The following TBC1D4 variants were observed in gnomAD, a reference collection of about 807,000 sequenced individuals.
TBC1D4 encodes TBC (Tre-2, BUB2, CDC16) domain-containing protein.
Under a neutral mutation model 142.5 loss-of-function variants are expected in TBC1D4, and 121 were observed. The ratio of observed to expected loss-of-function variants is 0.85; its 90% CI spans 0.73 to 0.99. The LOEUF (loss-of-function observed/expected upper bound fraction) is 0.99. Among genes scored for constraint, TBC1D4 ranks in the 50% least tolerant of loss-of-function variants. The probability of loss-of-function intolerance (pLI) is 0.00; values close to 1 mark genes in which losing one functional copy is unlikely to be tolerated. For missense variants in TBC1D4, 1,475 were observed against 1,606.6 expected, an observed-to-expected ratio of 0.92 and a Z score of 1.40; for synonymous variants, 630 against 628.2, an observed-to-expected ratio of 1.00 and a Z score of -0.04.
chr13:75,443,542 C>T (rs1887141828), intron 1 of TBC1D4, among the ~76,000 whole-genome samples: 1 of 152,186 alleles, frequency 6.6e-6, no homozygotes, highest in South Asian at 2.1e-4. Flanking sequence ...TTCCAGGCAC[C>T]CTTCTAACGC....
chr13:75,411,001 T>A (rs1332084002), intron 1 of TBC1D4, among the ~76,000 whole-genome samples: 18 of 131,650 alleles, frequency 1.4e-4, no homozygotes, highest in Admixed American at 1.5e-4. Flanking sequence ...TTAACTAATA[T>A]AAAATGTAAG....
intron 1 of TBC1D4, among the ~76,000 whole-genome samples, chr13:75,396,617 T>TATCAA: frequency 6.6e-6 from 1 of 152,176 alleles, no homozygotes; most frequent in African/African-American, 2.4e-5. Flanking sequence ...TTATCAATTT[T>TATCAA]TAAAACCCAA....
At chr13:75,340,822 T>C (rs941443289) in intron 7 of TBC1D4, among the ~76,000 whole-genome samples, 1 of 152,148 alleles carries the variant, frequency 6.6e-6, no homozygotes, top group Admixed American at 6.5e-5. Context: ...GGTGCATGCC[T>C]GTAGTCCCAG....
chr13:75,354,787 G>T (rs1016289733), intron 4 of TBC1D4, among the ~76,000 whole-genome samples: 1 of 152,080 alleles, frequency 6.6e-6, no homozygotes, highest in Non-Finnish European at 1.5e-5. Context: ...TTAGGTCATC[G>T]GTTTTCTTTG....
At chr13:75,339,986 C>T (rs935953273) in intron 7 of TBC1D4, among the ~76,000 whole-genome samples, 1 of 152,226 alleles carries the variant, frequency 6.6e-6, no homozygotes, top group South Asian at 2.1e-4. Flanking sequence ...TCTACTCCAG[C>T]TCCAAAGCAA....
intron 5 of TBC1D4, among the ~76,000 whole-genome samples, chr13:75,343,247 T>C (rs1052618250): frequency 2.6e-5 from 4 of 152,188 alleles, no homozygotes; most frequent in Non-Finnish European, 2.9e-5. Flanking sequence ...CACCTGAAAA[T>C]ACACATTGTT....
intron 1 of TBC1D4, among the ~76,000 whole-genome samples, chr13:75,373,969 T>C (rs1883358475): frequency 6.6e-6 from 1 of 152,142 alleles, no homozygotes; most frequent in Admixed American, 6.5e-5. Flanking sequence ...CAGAAAAGAA[T>C]AAAAAGCTTG....
chr13:75,380,537 ATT>A (rs11366604), intron 1 of TBC1D4, among the ~76,000 whole-genome samples: 95 of 148,488 alleles, frequency 6.4e-4, no homozygotes, highest in African/African-American at 1.2e-3. Flanking sequence ...ACTAGATAAG[ATT>A]TTTTTTTTTT....
intron 1 of TBC1D4, among the ~76,000 whole-genome samples, chr13:75,364,641 C>T (rs1051292883): frequency 6.6e-6 from 1 of 152,264 alleles, no homozygotes; most frequent in Non-Finnish European, 1.5e-5. Context: ...CTAGCTGACA[C>T]TCAACCGTGC....
chr13:75,354,232 C>A (rs1328006202), intron 4 of TBC1D4, among the ~76,000 whole-genome samples: 1 of 152,144 alleles, frequency 6.6e-6, no homozygotes, highest in Non-Finnish European at 1.5e-5. Context: ...GTGTGCTACA[C>A]AATATAGATT....
chr13:75,359,328 T>C (rs1201617874), intron 3 of TBC1D4, among the ~76,000 whole-genome samples: 3 of 152,232 alleles, frequency 2.0e-5, no homozygotes, highest in Non-Finnish European at 2.9e-5. Flanking sequence ...TTTTCAAAGT[T>C]TAGTATTTAC....
rs539561868 is a variant in TBC1D4, at chr13:75,342,338, A to G, written c.1409-751T>C. ...AACCTAAGACCTCACATGGAAATAA[A>G]AGCTAAAGACTAGCCTTGGCCAAAA... On this transcript the variant is annotated intron_variant, in intron 5 of 20. Transcript: ENST00000377636. Among the ~76,000 whole-genome samples, 9 of 152,342 alleles carry G rather than the reference A, an allele frequency of 5.9e-5. No homozygotes were observed. The South Asian group carries it at 1.9e-3, about 32-fold the overall frequency.
rs113540810 is a variant in TBC1D4 at position 75,314,017 on chromosome 13, T to C, written c.2223-1119A>G. Among the ~76,000 whole-genome samples, 354 of 152,236 alleles carry C rather than the reference T, an allele frequency of 2.3e-3. 2 individuals are homozygous for C. Among genetic ancestry groups the C allele is most frequent in the African/African-American group, 7.8e-3 (322 of 41,540 alleles). On this transcript the variant is annotated intron_variant, in intron 12 of 20. Coordinates refer to ENST00000377636, the MANE Select transcript of TBC1D4 (RefSeq NM_014832.5). ...GTAGTGTCACATCATTCTATATTAG[T>C]GCATAAGAAAATGCTCCTCTATTGT...
chr13:75,480,275 T>C (rs915456044), intron 1 of TBC1D4, among the ~76,000 whole-genome samples: 2 of 152,236 alleles, frequency 1.3e-5, no homozygotes, highest in African/African-American at 4.8e-5. Context: ...ACTTTATTTA[T>C]ATTTAGACAA....
intron 1 of TBC1D4, among the ~76,000 whole-genome samples, chr13:75,436,792 C>A (rs1418236787): frequency 6.6e-6 from 1 of 152,072 alleles, no homozygotes; most frequent in African/African-American, 2.4e-5. Flanking sequence ...TATTAATTGA[C>A]AAGTAAAAAA....
chr13:75,326,617 C>T (rs1879289472), intron 9 of TBC1D4, among the ~76,000 whole-genome samples, 194 bp from the exon 10 acceptor site: 1 of 152,198 alleles, frequency 6.6e-6, no homozygotes, highest in East Asian at 1.9e-4. Context: ...TTCTGATAAG[C>T]AGCTGTAATC....
chr13:75,336,126 C>T (rs1251146132), intron 8 of TBC1D4, among the ~76,000 whole-genome samples: 11 of 152,080 alleles, frequency 7.2e-5, no homozygotes, highest in African/African-American at 2.2e-4. Context: ...GGGCCAGGTG[C>T]GGTGGCTCAC....
chr13:75,324,318 G>A lies in TBC1D4; in HGVS notation c.2117C>T (p.Pro706Leu), dbSNP rs778084126. The stretch of plus-strand genomic sequence containing the variant: ...CAGGAAAGAGGGGGCAGTGAAGGAA[G>A]GGGCAGAGAAGGAAGTGTGAAGACT... ...LPSLHTSFSAPSFTAPSFLKS... is the reference protein window; with the variant it reads ...LPSLHTSFSALSFTAPSFLKS... The change falls in exon 11 of 21, where the codon CCT (proline) becomes CTT (leucine). Residue 706 changes from proline to leucine, a missense_variant. Physicochemically the swap from Pro to Leu is moderately conservative, Grantham distance 98. Around this residue, in one of 2 missense-constraint regions of TBC1D4, gnomAD observed 1,227 missense variants for 1,267.7 expected, o/e 0.97. Coordinates refer to ENST00000377636, the MANE Select transcript of TBC1D4 (RefSeq NM_014832.5). 1 of 1,613,990 alleles carries A rather than the reference G, an allele frequency of 6.2e-7. No individual in the cohort carries two copies. Among genetic ancestry groups the A allele is most frequent in the Non-Finnish European group, 8.5e-7 (1 of 1,179,892 alleles).
At chr13:75,459,123 C>T (rs913171686) in intron 1 of TBC1D4, among the ~76,000 whole-genome samples, 1 of 152,138 alleles carries the variant, frequency 6.6e-6, no homozygotes, top group African/African-American at 2.4e-5. Context: ...GCTGGTCACA[C>T]GCTGATCCGC....
Sources: gnomAD v4.1 joint callset for allele counts (sites outside exome capture counted in the v4.1 genomes callset) on GRCh38, gnomAD v4.1.1 for gene constraint, gnomAD v4.1.1 regional missense constraint, MANE v1.5 for transcripts, NCBI Gene and HGNC (gene_info 2026-07-23, HGNC 2026-07-21) for gene names.